Variants in FBXL13 observed in about 807,000 individuals in gnomAD.
FBXL13 encodes F-box and leucine-rich repeat protein 13.
A neutral mutation model predicts 83.6 loss-of-function variants in FBXL13; 67 were observed. The ratio of observed to expected loss-of-function variants is 0.80; its 90% CI spans 0.66 to 0.98. The LOEUF (loss-of-function observed/expected upper bound fraction) is 0.98. Among genes scored for constraint, FBXL13 ranks in the 50% least tolerant of loss-of-function variants. FBXL13 has a pLI of 0.00. For missense variants in FBXL13, 822 were observed against 866.5 expected, an observed-to-expected ratio of 0.95 and a Z score of 0.64; for synonymous variants, 272 against 299.5, an observed-to-expected ratio of 0.91 and a Z score of 0.95.
chr7:102,998,187 T>A (rs1003109835), intron 6 of FBXL13, among the ~76,000 whole-genome samples: 1 of 152,240 alleles, frequency 6.6e-6, no homozygotes, highest in African/African-American at 2.4e-5. Context: ...CATTTGAATG[T>A]CATTTTTTGA....
Position 102,813,549 on chromosome 7 carries a change from A to G in FBXL13, c.2019-18T>C, listed in dbSNP as rs1797593220. On this transcript the variant is annotated intron_variant, in intron 19 of 19. Coordinates refer to ENST00000313221, the Ensembl canonical transcript of FBXL13. ...CTGCCTTCCTGTAATAACAGTGCTT[A>G]GCATTAGCTAGTTGCAGAAGTAACC... 1 of 1,605,638 alleles carries G rather than the reference A, an allele frequency of 6.2e-7. No individual in the cohort carries two copies. Among genetic ancestry groups the G allele is most frequent in the Non-Finnish European group, 8.5e-7 (1 of 1,176,340 alleles).
chr7:102,822,057 G>T lies in FBXL13; in HGVS notation c.2001C>A (p.Tyr667Ter). 1 of 1,614,186 alleles carries T rather than the reference G, an allele frequency of 6.2e-7. No homozygotes were observed. Among genetic ancestry groups the T allele is most frequent in the Non-Finnish European group, 8.5e-7 (1 of 1,180,018 alleles). ...ATACTTACTTGGAAATATTTGTGCA[G>T]TATTGCATCTTAAGGATCCGGAGTT... is the stretch of plus-strand genomic sequence containing the variant. The change falls in exon 19 of 20, where the codon TAC (tyrosine) becomes TAA (stop). Residue 667 changes from tyrosine to a stop codon, truncating the protein, a stop_gained. Coordinates refer to ENST00000313221, the Ensembl canonical transcript of FBXL13. LOFTEE classifies it low-confidence loss of function (END_TRUNC).
At chr7:102,852,175 A>G (rs1805362482) in intron 17 of FBXL13, among the ~76,000 whole-genome samples, 1 of 152,194 alleles carries the variant, frequency 6.6e-6, no homozygotes, top group African/African-American at 2.4e-5. Context: ...GGGAGAGAGT[A>G]GACAGGGAAA....
chr7:102,850,251 C>G (rs1435290103), intron 17 of FBXL13, among the ~76,000 whole-genome samples: 1 of 151,836 alleles, frequency 6.6e-6, no homozygotes, highest in Non-Finnish European at 1.5e-5. Flanking sequence ...TGTCTGGACC[C>G]CACAGAATCA....
At chr7:103,048,393 CCTTT>C (rs1045146550) in intron 2 of FBXL13, among the ~76,000 whole-genome samples, 1 of 100,384 alleles carries the variant, frequency 1.0e-5, no homozygotes, top group Non-Finnish European at 2.6e-5. Flanking sequence ...TTTTGTCTTT[CCTTT>C]CTTTTTTTTT....
intron 6 of FBXL13, among the ~76,000 whole-genome samples, chr7:103,013,285 C>G (rs185418749): frequency 1.3e-5 from 2 of 152,242 alleles, no homozygotes; most frequent in East Asian, 3.9e-4. Flanking sequence ...ACCAAATATA[C>G]CTAATATAAA....
chr7:103,018,393 A>C (rs1792654955), intron 6 of FBXL13, among the ~76,000 whole-genome samples: 1 of 152,210 alleles, frequency 6.6e-6, no homozygotes, highest in Admixed American at 6.5e-5. Context: ...AAAACCATCG[A>C]TGTTAGAAAG....
At chr7:103,017,027 G>C (rs1435308222) in intron 6 of FBXL13, among the ~76,000 whole-genome samples, 3 of 152,180 alleles carry the variant, frequency 2.0e-5, no homozygotes, top group Admixed American at 2.0e-4. Flanking sequence ...AGACTGCCTC[G>C]TCAAGTGGGT....
rs144391099 is a variant in FBXL13, at chr7:102,986,796, C to G, written c.496-18679G>C. 5.0e-3 allele frequency among the ~76,000 whole-genome samples: 753 copies of G among 151,432 alleles called. 8 individuals are homozygous for G. The highest frequency in any genetic ancestry group is 0.017 in the African/African-American group (721 of 41,320). On this transcript the variant is annotated intron_variant, in intron 6 of 19. Coordinates refer to ENST00000313221, the Ensembl canonical transcript of FBXL13. ...GGAGTATTTTTTTTGTATGCTTTGT[C>G]AGAGATCAGTTGGTTGTAACTATTT...
intron 8 of FBXL13, among the ~76,000 whole-genome samples, chr7:102,937,155 C>A (rs533982698): frequency 6.6e-6 from 1 of 152,212 alleles, no homozygotes; most frequent in African/African-American, 2.4e-5. Context: ...AACTTAAGTT[C>A]CTCCAAGTGT....
At chr7:102,895,546 G>A (rs1416667820) in intron 11 of FBXL13, among the ~76,000 whole-genome samples, 4 of 152,190 alleles carry the variant, frequency 2.6e-5, no homozygotes, top group African/African-American at 7.2e-5. Context: ...CTGAGCTTGA[G>A]TGGGCCTCAG....
intron 1 of FBXL13, among the ~76,000 whole-genome samples, chr7:103,071,551 CT>C (rs774310534): frequency 0.018 from 2,292 of 126,154 alleles, 42 homozygotes; most frequent in African/African-American, 0.052. Flanking sequence ...GACAAGTTAG[CT>C]TTTTTTTTTT....
intron 17 of FBXL13, among the ~76,000 whole-genome samples, chr7:102,850,219 C>A (rs1804968433): frequency 6.6e-6 from 1 of 152,014 alleles, no homozygotes; most frequent in Non-Finnish European, 1.5e-5. Context: ...AATTTTTAGG[C>A]TCCAAAGAGT....
intron 1 of FBXL13, among the ~76,000 whole-genome samples, chr7:103,072,459 G>C (rs867455008): frequency 1.3e-5 from 2 of 152,158 alleles, no homozygotes; most frequent in Middle Eastern, 3.2e-3. Context: ...AATGCAGTAA[G>C]CTGGTAAGGA....
At chr7:102,831,649 G>A (rs892948588) in intron 18 of FBXL13, among the ~76,000 whole-genome samples, 1 of 152,064 alleles carries the variant, frequency 6.6e-6, no homozygotes, top group Non-Finnish European at 1.5e-5. Flanking sequence ...CAGTTCCAAA[G>A]GTACACGGTG....
intron 1 of FBXL13, among the ~76,000 whole-genome samples, chr7:103,061,996 T>A (rs376437982): frequency 5.1e-3 from 92 of 17,980 alleles, no homozygotes; most frequent in Admixed American, 7.6e-3. Flanking sequence ...ACATAAAACA[T>A]AAAAACTTCT....
At chr7:102,953,347 G>A (rs13233521) in intron 8 of FBXL13, among the ~76,000 whole-genome samples, 78,567 of 151,522 alleles carry the variant, frequency 0.52, 23,132 homozygotes, top group Non-Finnish European at 0.65. Flanking sequence ...TTCAAGAGTG[G>A]TTCAACAGAC....
At chr7:103,028,670 A>G (rs1000165962) in exon 4 of FBXL13, 11 of 1,604,040 alleles carry the variant, frequency 6.9e-6, no homozygotes, top group Non-Finnish European at 9.4e-6. Context: ...GAAGTCTGAA[A>G]TTGTAGCATG....
intron 18 of FBXL13, among the ~76,000 whole-genome samples, chr7:102,830,536 C>T (rs1800481407): frequency 6.6e-6 from 1 of 152,166 alleles, no homozygotes; most frequent in South Asian, 2.1e-4. Context: ...ATCTGGTTCC[C>T]CTAGTTCTAA....
Sources: gnomAD v4.1 joint callset for allele counts (sites outside exome capture counted in the v4.1 genomes callset) on GRCh38, gnomAD v4.1.1 for gene constraint, MANE v1.5 for transcripts, NCBI Gene and HGNC (gene_info 2026-07-23, HGNC 2026-07-21) for gene names.